Variants in ZMIZ1 observed in about 807,000 individuals in gnomAD.
The protein encoded by ZMIZ1 is zinc finger MIZ domain-containing protein 1.
A neutral mutation model predicts 113.9 loss-of-function variants in ZMIZ1; 17 were observed. The ratio of observed to expected loss-of-function variants is 0.15; its 90% CI spans 0.10 to 0.22. ZMIZ1 has a LOEUF of 0.22. ZMIZ1 is among the 10% of genes least tolerant of loss of function. The pLI is 1.00. For synonymous variants in ZMIZ1, 607 were observed against 603.1 expected, an observed-to-expected ratio of 1.01 and a Z score of -0.09; for missense variants, 1,059 against 1,477.8, an observed-to-expected ratio of 0.72 and a Z score of 4.65.
intron 1 of ZMIZ1, among the ~76,000 whole-genome samples, chr10:79,102,171 C>T (rs943472728): frequency 2.6e-5 from 4 of 152,244 alleles, no homozygotes; most frequent in African/African-American, 7.2e-5. Context: ...AGGGAACAAA[C>T]CCAGAAAGCC....
chr10:79,254,120 A>G (rs1035109392), intron 7 of ZMIZ1, among the ~76,000 whole-genome samples: 4 of 152,228 alleles, frequency 2.6e-5, no homozygotes, highest in Non-Finnish European at 4.4e-5. Context: ...TAGAACTCCA[A>G]TTAGGAGTGA....
chr10:79,272,598 C>G (rs1334069730), intron 7 of ZMIZ1, among the ~76,000 whole-genome samples: 1 of 152,228 alleles, frequency 6.6e-6, no homozygotes, highest in Non-Finnish European at 1.5e-5. Context: ...GCCTCGCCTG[C>G]TTCACCGCAG....
intron 18 of ZMIZ1, among the ~76,000 whole-genome samples, chr10:79,303,097 C>G (rs1248537444): frequency 1.3e-5 from 2 of 151,812 alleles, no homozygotes; most frequent in African/African-American, 2.4e-5. Context: ...CCTGACCTCA[C>G]GATCCGCCCA....
At chr10:79,122,731 T>C (rs1377973778) in intron 2 of ZMIZ1, among the ~76,000 whole-genome samples, 1 of 152,184 alleles carries the variant, frequency 6.6e-6, no homozygotes. Context: ...TATTCCCATT[T>C]GCTAGATAGG....
intron 7 of ZMIZ1, among the ~76,000 whole-genome samples, chr10:79,267,366 C>T (rs576205511): frequency 1.3e-5 from 2 of 152,226 alleles, no homozygotes; most frequent in Non-Finnish European, 2.9e-5. Context: ...TTCTACAGTA[C>T]TTAGGTGGAG....
intron 1 of ZMIZ1, among the ~76,000 whole-genome samples, chr10:79,104,653 CTT>C (rs1046601164): frequency 2.0e-5 from 3 of 152,128 alleles, no homozygotes; most frequent in Non-Finnish European, 4.4e-5. Flanking sequence ...GGGGAGGGCT[CTT>C]TTGCTGTTGG....
At chr10:79,168,232 A>G (rs1846442051) in intron 4 of ZMIZ1, among the ~76,000 whole-genome samples, 1 of 152,218 alleles carries the variant, frequency 6.6e-6, no homozygotes, top group Non-Finnish European at 1.5e-5. Context: ...GTCTCCGTCC[A>G]CTGCAGACAG....
chr10:79,101,652 T>G (rs1843367649), intron 1 of ZMIZ1, among the ~76,000 whole-genome samples: 1 of 152,024 alleles, frequency 6.6e-6, no homozygotes, highest in African/African-American at 2.4e-5. Flanking sequence ...AGTCTCTAGG[T>G]AGGCAACTGG....
intron 4 of ZMIZ1, among the ~76,000 whole-genome samples, chr10:79,173,253 T>C (rs1338730934): frequency 1.3e-5 from 2 of 152,206 alleles, no homozygotes; most frequent in Non-Finnish European, 2.9e-5. Context: ...CCAACATAAA[T>C]TCGTAAACTT....
intron 3 of ZMIZ1, among the ~76,000 whole-genome samples, chr10:79,143,846 T>A (rs1372863271): frequency 6.6e-6 from 1 of 152,128 alleles, no homozygotes; most frequent in Non-Finnish European, 1.5e-5. Context: ...GGGAGCACAG[T>A]CCAGCCCGTC....
chr10:79,086,424 A>G (rs1251667821), intron 1 of ZMIZ1, among the ~76,000 whole-genome samples: 9 of 152,234 alleles, frequency 5.9e-5, no homozygotes, highest in Non-Finnish European at 1.2e-4. Flanking sequence ...AGGTATCCAG[A>G]TAGTTCAGTT....
chr10:79,230,111 G>A (rs531301537), intron 7 of ZMIZ1, among the ~76,000 whole-genome samples: 22 of 152,224 alleles, frequency 1.4e-4, no homozygotes, highest in African/African-American at 5.1e-4. Context: ...GGCTCCGGCC[G>A]AGCAAAACAG....
chr10:79,285,159 C>T (rs754224801), intron 8 of ZMIZ1, among the ~76,000 whole-genome samples: 9 of 152,200 alleles, frequency 5.9e-5, no homozygotes, highest in Non-Finnish European at 1.0e-4. Context: ...TCTGGTGACC[C>T]GGCAGCCTTG....
At chr10:79,180,383 T>C (rs1429997313) in intron 4 of ZMIZ1, among the ~76,000 whole-genome samples, 1 of 152,158 alleles carries the variant, frequency 6.6e-6, no homozygotes. Context: ...CCCAGTAGCC[T>C]GGGCCATCCC....
At chr10:79,185,473 G>A (rs959108662) in intron 4 of ZMIZ1, among the ~76,000 whole-genome samples, 13 of 151,208 alleles carry the variant, frequency 8.6e-5, no homozygotes, top group Non-Finnish European at 1.5e-4. Context: ...CTCTCCAATT[G>A]TTGACTGGAG....
intron 4 of ZMIZ1, among the ~76,000 whole-genome samples, chr10:79,162,852 C>T (rs529313023): frequency 6.6e-6 from 1 of 152,282 alleles, no homozygotes; most frequent in Admixed American, 6.5e-5. Context: ...ACGAACTGGA[C>T]CCCCCGCCTG....
chr10:79,309,223 C>G (rs1349775068), intron 23 of ZMIZ1, among the ~76,000 whole-genome samples: 1 of 152,224 alleles, frequency 6.6e-6, no homozygotes, highest in African/African-American at 2.4e-5. Flanking sequence ...GGCGGGTTGA[C>G]AGGTGTGTCA....
chr10:79,280,265 C>T (rs1852639205), intron 8 of ZMIZ1, among the ~76,000 whole-genome samples: 1 of 151,976 alleles, frequency 6.6e-6, no homozygotes, highest in South Asian at 2.1e-4. Flanking sequence ...AGGCATGAAC[C>T]ACCATGCCGG....
intron 2 of ZMIZ1, among the ~76,000 whole-genome samples, chr10:79,138,972 C>T (rs112387707): frequency 1.3e-5 from 2 of 152,204 alleles, no homozygotes; most frequent in African/African-American, 4.8e-5. Flanking sequence ...TCCTAAAGAG[C>T]GTGGAGGAAG....
Sources: gnomAD v4.1 joint callset for allele counts (sites outside exome capture counted in the v4.1 genomes callset) on GRCh38, gnomAD v4.1.1 for gene constraint, MANE v1.5 for transcripts, NCBI Gene and HGNC (gene_info 2026-07-23, HGNC 2026-07-21) for gene names.